L3MBTL3: variants seen among roughly 807,000 people sequenced by gnomAD.
L3MBTL3 encodes L3MBTL histone methyl-lysine binding protein 3.
A neutral mutation model predicts 102.3 loss-of-function variants in L3MBTL3; 27 were observed. The observed-to-expected ratio is 0.26, with a 90% CI of 0.19 to 0.36. The LOEUF (loss-of-function observed/expected upper bound fraction) is 0.36. L3MBTL3 is among the 10% of genes least tolerant of loss of function. L3MBTL3 has a pLI of 1.00. For missense variants in L3MBTL3, 798 were observed against 955.3 expected (o/e 0.84, Z 2.17); for synonymous variants, 340 against 320.9 (o/e 1.06, Z -0.64).
intron 7 of L3MBTL3, among the ~76,000 whole-genome samples, chr6:130,054,388 G>A (rs904849723): frequency 3.3e-5 from 5 of 152,148 alleles, no homozygotes; most frequent in Admixed American, 2.6e-4. Context: ...TTGATATGAT[G>A]TATGTTTTAA....
At chr6:130,094,173 T>G in intron 17 of L3MBTL3, 92 bp from the exon 18 acceptor site, 1 of 932,812 alleles carries the variant, frequency 1.1e-6, no homozygotes, top group Non-Finnish European at 1.6e-6. Context: ...TTAGGGAGTC[T>G]TTTTCTTCCT....
Position 130,077,587 on chromosome 6 carries a change from G to A in L3MBTL3, c.1245-971G>A, listed in dbSNP as rs182381072. On this transcript the variant is annotated intron_variant, in intron 13 of 22. Transcript: ENST00000361794. ...ACAATGTATTATTGTCCCAGGCTGC[G>A]CCTTTAGAAAGTTTGGCTTCGTTGA... is the stretch of plus-strand genomic sequence containing the variant. Among the ~76,000 whole-genome samples the A allele has an allele frequency of 1.8e-4, 27 of 152,346 alleles. 1 individual carries two copies. The East Asian group carries it at 4.6e-3, about 26-fold the overall frequency.
chr6:130,042,165 T>C (rs1405172589), intron 2 of L3MBTL3, among the ~76,000 whole-genome samples: 3 of 152,214 alleles, frequency 2.0e-5, no homozygotes, highest in Non-Finnish European at 4.4e-5. Flanking sequence ...TTTTAAAAAA[T>C]GAAAATTAGA....
In L3MBTL3 at chr6:130,083,669, C is replaced by T; in HGVS notation, c.1371C>T (p.Thr457=). Residue 457 remains threonine (T), a synonymous_variant, in exon 15 of 23, where the codon ACC becomes ACT. Transcript: ENST00000361794. ...HFSWDKYLEE[T]NSLPAPARAF... is the part of the protein sequence containing the mutation. ...CTTGGGATAAATACTTAGAAGAAAC[C>T]AATTCTTTACCTGCTCCTGCAAGAG... The T allele has an allele frequency of 2.6e-6, 4 of 1,546,054 alleles. No homozygotes were observed. The highest frequency in any genetic ancestry group is 3.5e-6 in the Non-Finnish European group (4 of 1,145,714).
chr6:130,092,634 T>C (rs909146817), intron 16 of L3MBTL3, 111 bp from the exon 17 acceptor site: 6 of 624,814 alleles, frequency 9.6e-6, no homozygotes, highest in African/African-American at 1.9e-5. Context: ...TTTATTGGGT[T>C]TTAAATCTAC....
intron 18 of L3MBTL3, among the ~76,000 whole-genome samples, chr6:130,099,294 A>G (rs572063470): frequency 1.3e-5 from 2 of 152,168 alleles, no homozygotes; most frequent in African/African-American, 4.8e-5. Context: ...AGTTGTACAT[A>G]TACATGTGCA....
intron 7 of L3MBTL3, 29 bp from the exon 8 acceptor site, chr6:130,055,142 A>C (rs760087123): frequency 6.4e-7 from 1 of 1,573,910 alleles, no homozygotes; most frequent in South Asian, 1.1e-5. Flanking sequence ...CTTGAACTTT[A>C]AAGTCATAAT....
At chr6:130,076,117 T>G (rs1338553550) in intron 13 of L3MBTL3, among the ~76,000 whole-genome samples, 1 of 152,094 alleles carries the variant, frequency 6.6e-6, no homozygotes, top group Non-Finnish European at 1.5e-5. Context: ...GAGAGTTGGG[T>G]ACTGAGTAAT....
At chr6:130,087,145 A>G (rs1350131942) in intron 16 of L3MBTL3, among the ~76,000 whole-genome samples, 1 of 152,066 alleles carries the variant, frequency 6.6e-6, no homozygotes, top group East Asian at 1.9e-4. Context: ...TACATTCTCA[A>G]CTATCTCTAA....
At chr6:130,114,128 A>G (rs1462258528) in intron 19 of L3MBTL3, among the ~76,000 whole-genome samples, 2 of 152,138 alleles carry the variant, frequency 1.3e-5, no homozygotes, top group East Asian at 1.9e-4. Context: ...GTGTTTTCCT[A>G]TTCTAGCTCT....
chr6:130,096,552 T>C (rs1451445043), intron 18 of L3MBTL3, among the ~76,000 whole-genome samples: 2 of 152,206 alleles, frequency 1.3e-5, no homozygotes, highest in African/African-American at 2.4e-5. Flanking sequence ...CATGGTCTCC[T>C]TAGGACTGCT....
chr6:130,103,774 C>T (rs562751574), intron 18 of L3MBTL3, among the ~76,000 whole-genome samples: 1 of 152,126 alleles, frequency 6.6e-6, no homozygotes, highest in Non-Finnish European at 1.5e-5. Flanking sequence ...CCAAATGAGA[C>T]CTGAGAGACC....
At chr6:130,055,076 G>C (rs13204752) in intron 7 of L3MBTL3, 95 bp from the exon 8 acceptor site, 1 of 865,692 alleles carries the variant, frequency 1.2e-6, no homozygotes, top group Non-Finnish European at 1.9e-6. Flanking sequence ...CTGAAGAAAA[G>C]AACAACAGAA....
intron 19 of L3MBTL3, among the ~76,000 whole-genome samples, chr6:130,117,247 TTTACTGAGAA>T (rs1785775354): frequency 6.8e-6 from 1 of 146,992 alleles, no homozygotes; most frequent in Admixed American, 6.9e-5. Flanking sequence ...CTTGTGATAG[TTTACTGAGAA>T]TGATGATTTC....
chr6:130,115,085 A>G (rs942501769), intron 19 of L3MBTL3, among the ~76,000 whole-genome samples: 1 of 151,578 alleles, frequency 6.6e-6, no homozygotes, highest in Non-Finnish European at 1.5e-5. Context: ...CATTCTTTTG[A>G]TGGCCAAAAC....
intron 9 of L3MBTL3, 121 bp from the exon 10 acceptor site, chr6:130,059,915 T>C (rs1336523228): frequency 2.6e-4 from 148 of 579,822 alleles, no homozygotes; most frequent in Non-Finnish European, 3.0e-5. Flanking sequence ...TTCTTTTTCT[T>C]TGGATTTTTA....
intron 13 of L3MBTL3, among the ~76,000 whole-genome samples, chr6:130,076,658 C>T (rs1782970351): frequency 6.6e-6 from 1 of 152,116 alleles, no homozygotes. Context: ...TTTTGTCATA[C>T]TTTTTACCTT....
intron 19 of L3MBTL3, among the ~76,000 whole-genome samples, chr6:130,113,065 C>A (rs2115427271): frequency 6.6e-6 from 1 of 152,286 alleles, no homozygotes; most frequent in Middle Eastern, 3.4e-3. Flanking sequence ...TAACTTAAAT[C>A]TCTGCATATC....
intron 18 of L3MBTL3, among the ~76,000 whole-genome samples, chr6:130,097,119 G>C (rs1007112699): frequency 1.8e-4 from 27 of 152,264 alleles, no homozygotes; most frequent in African/African-American, 6.3e-4. Flanking sequence ...TGACTATGCT[G>C]TCCTATTTAC....
Sources: allele counts gnomAD v4.1 joint callset (sites outside exome capture counted in the v4.1 genomes callset), GRCh38; gene constraint gnomAD v4.1.1; transcripts MANE v1.5; gene names NCBI Gene and HGNC (gene_info 2026-07-23, HGNC 2026-07-21).